GPR108: variants seen among roughly 807,000 people sequenced by gnomAD.
GPR108 encodes the protein protein GPR108.
GPR108 carries 60 observed loss-of-function variants against 74.3 expected under a neutral mutation model. That is an observed-to-expected ratio of 0.81 (90% confidence interval 0.66 to 1.00). The LOEUF is 1.00. Among genes scored for constraint, GPR108 ranks in the 50% least tolerant of loss-of-function variants. GPR108 has a pLI of 0.00. For missense variants in GPR108, 667 were observed against 703.3 expected (o/e 0.95, Z 0.58); for synonymous variants, 311 against 292.4 (o/e 1.06, Z -0.65).
chr19:6,733,712 G>C, intron 7 of GPR108, 38 bp from the exon 8 acceptor site: 1 of 1,598,508 alleles, frequency 6.3e-7, no homozygotes, highest in Non-Finnish European at 8.6e-7. Context: ...CAGCCTGGGG[G>C]ACCCGTGGTC....
Position 6,732,069 on chromosome 19 carries a change from C to G in GPR108, c.1212G>C (p.Leu404=), listed in dbSNP as rs1481338201. 1.2e-6 allele frequency: 2 copies of G among 1,614,004 alleles called. No individual in the cohort carries two copies. Among genetic ancestry groups the G allele is most frequent in the African/African-American group, 1.3e-5 (1 of 75,056 alleles). The change falls in exon 13 of 18, where the codon CTG becomes CTC. Residue 404 remains leucine (L), a synonymous_variant. Coordinates refer to ENST00000264080, the MANE Select transcript of GPR108 (RefSeq NM_001080452.2). The part of the protein sequence containing the change: ...DYVLWKEILF[L]VDLICCGAIL... Reference sequence around the variant, plus strand: ...TGGCACCACAGCAGATGAGGTCCACCAGGAACAAAATCTCCTTCCACAGCA... The same window carrying G: ...TGGCACCACAGCAGATGAGGTCCACGAGGAACAAAATCTCCTTCCACAGCA...
chr19:6,730,860 A>G, intron 17 of GPR108, 127 bp downstream of exon 17: 1 of 1,020,268 alleles, frequency 9.8e-7, no homozygotes, highest in Non-Finnish European at 1.4e-6. Context: ...TCTCAACAGC[A>G]GGCTCTGCCC....
chr19:6,732,308 C>G lies in GPR108; in HGVS notation c.1080G>C (p.Leu360=), dbSNP rs1305148510. The G allele has an allele frequency of 6.2e-7, 1 of 1,613,300 alleles. No individual in the cohort carries two copies. Among genetic ancestry groups the G allele is most frequent in the African/African-American group, 1.3e-5 (1 of 75,062 alleles). ...GSGWAFIKYV[L]SDKEKKVFGI... is the part of the protein sequence containing the mutation. ...CAAAGACCTTCTTCTCCTTATCCGACAGGACGTACTTGATGAAGGCCCAGC... is the reference window on the plus strand; with the variant it reads ...CAAAGACCTTCTTCTCCTTATCCGAGAGGACGTACTTGATGAAGGCCCAGC... The change falls in exon 12 of 18, where the codon CTG becomes CTC. Residue 360 remains leucine, a synonymous_variant. Coordinates refer to ENST00000264080, the MANE Select transcript of GPR108 (RefSeq NM_001080452.2).
chr19:6,733,269 G>A lies in GPR108; in HGVS notation c.756C>T (p.Phe252=), dbSNP rs1294119263. ...VMIREKNPDG[F]LSAAEMPLFK... ...AAAGGGGCATCTCCGCTGCCGACAG[G>A]AAGCCATCGGGGTTCTTCTCCCGGA... is the stretch of plus-strand genomic sequence containing the variant. Residue 252 remains phenylalanine, a synonymous_variant, in exon 9 of 18, where the codon TTC becomes TTT. Transcript: ENST00000264080. The A allele has an allele frequency of 3.7e-6, 6 of 1,613,648 alleles. No homozygotes were observed. The highest frequency in any genetic ancestry group is 5.1e-6 in the Non-Finnish European group (6 of 1,179,954).
rs777482872 is a variant in GPR108, at chr19:6,731,448, C to T, written c.1350+25G>A. 26 of 1,526,826 alleles carry T rather than the reference C, an allele frequency of 1.7e-5. No individual in the cohort carries two copies. In the African/African-American group the frequency reaches 1.9e-4, roughly 11 times the overall value. 94.6% of individuals were successfully genotyped at this position (1,526,826 alleles called of 1,614,324 possible). The stretch of plus-strand genomic sequence containing the variant: ...AGCAGGCCGGTAATCCCCCCAAACC[C>T]GCTGTGAGTGAGGCGGGCTCCTACC... On this transcript the variant is annotated intron_variant, in intron 15 of 17. Coordinates refer to ENST00000264080, the MANE Select transcript of GPR108 (RefSeq NM_001080452.2).
intron 10 of GPR108, 167 bp downstream of exon 10, chr19:6,732,820 C>A: frequency 1.5e-6 from 1 of 668,762 alleles, no homozygotes; most frequent in East Asian, 2.7e-5. Context: ...CCCCGCAGGA[C>A]TGGTGGACAG....
chr19:6,732,711 A>G, intron 10 of GPR108, 162 bp from the exon 11 acceptor site: 1 of 685,312 alleles, frequency 1.5e-6, no homozygotes, highest in Non-Finnish European at 2.6e-6. Context: ...ATCGGGGCTG[A>G]AAAAATGGAG....
Position 6,731,302 on chromosome 19 carries a change from C to T in GPR108, c.1351-20G>A, listed in dbSNP as rs762557686. The T allele has an allele frequency of 3.9e-6, 6 of 1,540,242 alleles. No individual in the cohort carries two copies. Among genetic ancestry groups the T allele is most frequent in the South Asian group, 3.7e-5 (3 of 80,716 alleles). ...GATGACCTGCAGGGGCGCGAGCAGGCGTGGGGCCAGGACTGTAGGGGCACG... is the reference window on the plus strand; with the variant it reads ...GATGACCTGCAGGGGCGCGAGCAGGTGTGGGGCCAGGACTGTAGGGGCACG... On this transcript the variant is annotated intron_variant, in intron 15 of 17. Transcript: ENST00000264080.
rs201460626 is a variant in GPR108 at position 6,735,986 on chromosome 19, G to A, written c.241-28C>T. ...GGTGGGTGGAAAAAAAAAGGGGAGG[G>A]TGTGAGGGACAGTAGAGACCTCCCA... On this transcript the variant is annotated intron_variant, in intron 2 of 17. Transcript: ENST00000264080. The A allele has an allele frequency of 5.0e-6, 8 of 1,592,404 alleles. No individual in the cohort carries two copies. The East Asian group carries it at 1.8e-4, about 36-fold the overall frequency.
Position 6,732,367 on chromosome 19 carries a change from G to C in GPR108, c.1021C>G (p.Leu341Val). ...ATCAGGGCGATGGTGATGAAGAGGA[G>C]GGCGCCCTTCAGCCTGAAGGAGCAG... Reference protein sequence around the residue: ...YYIAHLLKGALLFITIALIGS... With the variant: ...YYIAHLLKGAVLFITIALIGS... The change falls in exon 12 of 18, where the codon CTC becomes GTC. Residue 341 changes from leucine to valine, a missense_variant. Coordinates refer to ENST00000264080, the MANE Select transcript of GPR108 (RefSeq NM_001080452.2). 1 of 1,613,548 alleles carries C rather than the reference G, an allele frequency of 6.2e-7. No homozygotes were observed. Among genetic ancestry groups the C allele is most frequent in the Non-Finnish European group, 8.5e-7 (1 of 1,180,028 alleles).
Position 6,735,918 on chromosome 19 carries a change from C to T in GPR108, c.281G>A (p.Arg94His), listed in dbSNP as rs11539588. ...SLSRVRSGRV[R>H]SYSTRDFQDC... ...ATGCCCTCCACTCACTGAATAGGAG[C>T]GAACTCTGCCAGACCGAACCCGGCT... Residue 94 changes from arginine (R) to histidine (H), a missense_variant, in exon 3 of 18, where the codon CGC becomes CAC. By Grantham distance (29) the Arg-to-His change is conservative. Transcript: ENST00000264080. 0.022 allele frequency: 35,675 copies of T among 1,611,418 alleles called. 831 individuals carry two copies. The highest frequency in any genetic ancestry group is 0.11 in the African/African-American group (8,129 of 74,796).
intron 2 of GPR108, 49 bp downstream of exon 2, chr19:6,736,542 CG>C: frequency 1.9e-6 from 3 of 1,572,644 alleles, no homozygotes. Flanking sequence ...AACCCAGAAC[CG>C]GGGGATTGCA....
At chr19:6,737,386 C>T in intron 1 of GPR108, 71 bp downstream of exon 1, 1 of 1,530,102 alleles carries the variant, frequency 6.5e-7, no homozygotes, top group Non-Finnish European at 8.7e-7. Context: ...GACGAGACCA[C>T]TCCAAGCCAG....
In GPR108 at chr19:6,732,155, CCTGCGCAGGCGGCGGGGGTGGGTGGGCA is replaced by C; in HGVS notation, c.1126-28_1126-1del. ...ATGATGTAGGCCACGTTGGCCAGGA[CCTGCGCAGGCGGCGGGGGTGGGTGGGCA>C]CTGCCTGGCACGCTCCCCTTTGCCC... On this transcript the variant is annotated splice_acceptor_variant and splice_polypyrimidine_tract_variant and intron_variant, in intron 12 of 17. Coordinates refer to ENST00000264080, the MANE Select transcript of GPR108 (RefSeq NM_001080452.2). LOFTEE classifies it high-confidence loss of function. The C allele has an allele frequency of 6.2e-7, 1 of 1,613,544 alleles. No individual in the cohort carries two copies. Among genetic ancestry groups the C allele is most frequent in the Non-Finnish European group, 8.5e-7 (1 of 1,179,982 alleles).
chr19:6,737,562 C>A lies in GPR108; in HGVS notation c.15G>T (p.Glu5Asp). Residue 5 changes from glutamate to aspartate, a missense_variant, in exon 1 of 18, where the codon GAG (glutamate) becomes GAT (aspartate). Transcript: ENST00000264080. ...GGCTCCCGCGGCCGAGCCCCCTCCT[C>A]TCGCTCACTGCCATCTCTGGAGCCA... MAVS[E>D]RRGLGRGSPA... The A allele has an allele frequency of 6.6e-7, 1 of 1,519,404 alleles. No homozygotes were observed. The highest frequency in any genetic ancestry group is 1.2e-5 in the South Asian group (1 of 82,744). The allele number at this position is 1,519,404 out of a possible 1,614,324, so 94.1% of individuals were successfully genotyped here.
chr19:6,737,004 C>T (rs1401317776), intron 1 of GPR108: 3 of 439,498 alleles, frequency 6.8e-6, no homozygotes, highest in Non-Finnish European at 1.3e-5. Context: ...GCGTGCCTGA[C>T]CTTCACCTTC....
Position 6,736,713 on chromosome 19 carries a change from T to G in GPR108, c.121-2A>C, listed in dbSNP as rs182148180. On this transcript the variant is annotated splice_acceptor_variant, in intron 1 of 17. Coordinates refer to ENST00000264080, the MANE Select transcript of GPR108 (RefSeq NM_001080452.2). LOFTEE classifies it high-confidence loss of function. Reference sequence around the variant, plus strand: ...CTGGATGTCCGCTCGCTTCTCCCCCTGCCGGAGACCAAGGAGGCAGAGGCA... The same window carrying G: ...CTGGATGTCCGCTCGCTTCTCCCCCGGCCGGAGACCAAGGAGGCAGAGGCA... 5.9e-5 allele frequency: 96 copies of G among 1,614,062 alleles called. No individual in the cohort carries two copies. The East Asian group carries it at 2.1e-3, about 35-fold the overall frequency.
In GPR108 at chr19:6,730,257, C is replaced by G; in HGVS notation, c.*55G>C. 6.7e-7 allele frequency: 1 copy of G among 1,496,754 alleles called. No homozygotes were observed. Among genetic ancestry groups the G allele is most frequent in the South Asian group, 1.1e-5 (1 of 88,772 alleles). The allele number at this position is 1,496,754 out of a possible 1,614,324, so 92.7% of individuals were successfully genotyped here. ...CCCCACATACGCTGTGGAAGAAGGG[C>G]AGGAGTGAGAAATGCTGGGGGAGGA... On this transcript the variant is annotated 3_prime_UTR_variant, in exon 18 of 18. Coordinates refer to ENST00000264080, the MANE Select transcript of GPR108 (RefSeq NM_001080452.2).
intron 14 of GPR108, 30 bp from the exon 15 acceptor site, chr19:6,731,552 G>C: frequency 1.0e-6 from 1 of 985,638 alleles, no homozygotes; most frequent in Non-Finnish European, 1.4e-6. Flanking sequence ...GGGCGGTCAG[G>C]GGAGACTGAG....
Sources: allele counts gnomAD v4.1 joint callset, GRCh38; gene constraint gnomAD v4.1.1; transcripts MANE v1.5; gene names NCBI Gene and HGNC (gene_info 2026-07-23, HGNC 2026-07-21).